Variants in FHDC1 observed in about 807,000 individuals in gnomAD.
FHDC1 encodes the protein FH2 domain-containing protein 1.
A neutral mutation model predicts 52.6 loss-of-function variants in FHDC1; 25 were observed. The observed-to-expected ratio is 0.48, with a 90% CI of 0.35 to 0.66. The LOEUF is 0.66. Ranked by LOEUF, FHDC1 falls within the 30% of genes least tolerant of loss-of-function variation. FHDC1 has a pLI of 0.01. For missense variants in FHDC1, 1,459 were observed against 1,452.8 expected (o/e 1.00, Z -0.07); for synonymous variants, 616 against 581.5 (o/e 1.06, Z -0.85).
At chr4:152,970,319 A>G (rs1179798604) in intron 10 of FHDC1, among the ~76,000 whole-genome samples, 1 of 152,260 alleles carries the variant, frequency 6.6e-6, no homozygotes, top group Admixed American at 6.5e-5. Flanking sequence ...ACCTGTTGAC[A>G]TTCTTGCTTT....
the FHDC1 span, among the ~76,000 whole-genome samples, chr4:152,915,185 CG>C: frequency 6.6e-6 from 1 of 152,068 alleles, no homozygotes; most frequent in Non-Finnish European, 1.5e-5. Context: ...AAGAAAAGCA[CG>C]GGGTAGGCTG....
At chr4:152,932,208 A>C (rs1384899405), upstream of FHDC1, among the ~76,000 whole-genome samples, 1 of 140,610 alleles carries the variant, frequency 7.1e-6, no homozygotes, top group East Asian at 2.1e-4. Flanking sequence ...ACACAGTGAG[A>C]CCCTGTCTCT....
At chr4:152,921,771 T>C in the FHDC1 span, among the ~76,000 whole-genome samples, 2 of 152,126 alleles carry the variant, frequency 1.3e-5, no homozygotes, top group Non-Finnish European at 2.9e-5. Flanking sequence ...ATGCCAAATT[T>C]TGACATCTAG....
At chr4:152,926,518 C>G in the FHDC1 span, among the ~76,000 whole-genome samples, 5 of 150,520 alleles carry the variant, frequency 3.3e-5, no homozygotes, top group South Asian at 4.2e-4. Context: ...AGGGCAGAAC[C>G]TTAGTTACCA....
At position 152,975,715 on chromosome 4, in the gene FHDC1, G is replaced by C; in HGVS notation, c.2424G>C (p.Met808Ile). 6.2e-7 allele frequency: 1 copy of C among 1,603,080 alleles called. No individual in the cohort carries two copies. Among genetic ancestry groups the C allele is most frequent in the Non-Finnish European group, 8.5e-7 (1 of 1,172,910 alleles). ...AAGGCGGGGAAGGGGATGGCTCCATGTCCTCTGGGGTTGGAGAAATGGGGG... is the reference window on the plus strand; with the variant it reads ...AAGGCGGGGAAGGGGATGGCTCCATCTCCTCTGGGGTTGGAGAAATGGGGG... ...PEEGGEGDGS[M>I]SSGVGEMGDS... The change falls in exon 12 of 12, where the codon ATG (methionine) becomes ATC (isoleucine). Residue 808 changes from methionine to isoleucine, a missense_variant. Met to Ile is a conservative substitution (Grantham distance 10). Around this residue, in one of 3 missense-constraint regions of FHDC1, gnomAD observed 939 missense variants for 854.5 expected, o/e 1.10. Transcript: ENST00000511601.
At chr4:152,915,210 G>A in the FHDC1 span, among the ~76,000 whole-genome samples, 1 of 152,076 alleles carries the variant, frequency 6.6e-6, no homozygotes, top group East Asian at 1.9e-4. Flanking sequence ...TATTCACCCT[G>A]TATCCCCAAC....
At chr4:152,954,189 A>G (rs760233828) in intron 3 of FHDC1, 28 bp from the exon 4 acceptor site, 1 of 1,591,190 alleles carries the variant, frequency 6.3e-7, no homozygotes, top group Admixed American at 1.7e-5. Context: ...CAAACGTGAA[A>G]TGGAATGTGA....
rs1740851583 is a variant in FHDC1, at chr4:152,975,820, C to A, written c.2529C>A (p.Ser843Arg). Residue 843 changes from serine to arginine, a missense_variant, in exon 12 of 12, where the codon AGC becomes AGA. Physicochemically the swap from Ser to Arg is moderately radical, Grantham distance 110. Around this residue, in one of 3 missense-constraint regions of FHDC1, gnomAD observed 939 missense variants for 854.5 expected, o/e 1.10. Coordinates refer to ENST00000511601, the MANE Select transcript of FHDC1 (RefSeq NM_001371116.1). ...PAPVSVDSEP[S>R]CKGGLPRDKP... ...CCGTCTCTGTGGATAGTGAGCCCAG[C>A]TGCAAGGGCGGCCTGCCCAGGGACA... The A allele has an allele frequency of 6.6e-7, 1 of 1,521,466 alleles. No individual in the cohort carries two copies. The highest frequency in any genetic ancestry group is 2.2e-5 in the Admixed American group (1 of 44,982). 94.2% of individuals were successfully genotyped at this position (1,521,466 alleles called of 1,614,324 possible).
chr4:152,931,570 G>GTCAT (rs1239650779), upstream of FHDC1, among the ~76,000 whole-genome samples: 1 of 151,644 alleles, frequency 6.6e-6, no homozygotes, highest in East Asian at 1.9e-4. Flanking sequence ...AGGCATGAGA[G>GTCAT]TCATCACATT....
In FHDC1 at chr4:152,943,266, C is replaced by G. The variant is rs763097251; in HGVS notation, c.209C>G (p.Pro70Arg). The G allele has an allele frequency of 3.1e-6, 5 of 1,597,232 alleles. No homozygotes were observed. The South Asian group carries it at 4.4e-5, about 14-fold the overall frequency. ...PPPPPPLPGE[P>R]PIPPPPPGLP... ...CCACCACCTCCACTTCCTGGGGAGCCTCCCATCCCACCTCCCCCACCAGGC... is the reference window on the plus strand; with the variant it reads ...CCACCACCTCCACTTCCTGGGGAGCGTCCCATCCCACCTCCCCCACCAGGC... The change falls in exon 2 of 12, where the codon CCT becomes CGT. Residue 70 changes from proline to arginine, a missense_variant. Around this residue, in one of 3 missense-constraint regions of FHDC1, gnomAD observed 513 missense variants for 581.5 expected, o/e 0.88. Coordinates refer to ENST00000511601, the MANE Select transcript of FHDC1 (RefSeq NM_001371116.1).
intron 1 of FHDC1, among the ~76,000 whole-genome samples, chr4:152,939,167 A>C (rs938986413): frequency 1.3e-5 from 2 of 150,964 alleles, no homozygotes; most frequent in Non-Finnish European, 3.0e-5. Context: ...GCAACCTCCG[A>C]CTCCCTGATT....
upstream of FHDC1, among the ~76,000 whole-genome samples, chr4:152,933,960 C>A: frequency 6.6e-6 from 1 of 152,004 alleles, no homozygotes; most frequent in East Asian, 1.9e-4. Context: ...AAACAGTGAC[C>A]TGACAGCAGT....
chr4:152,937,913 G>C (rs972355017), intron 1 of FHDC1, among the ~76,000 whole-genome samples: 4 of 152,118 alleles, frequency 2.6e-5, no homozygotes, highest in African/African-American at 9.7e-5. Context: ...GGACCGGGGT[G>C]CCGGGTTGGG....
the FHDC1 span, among the ~76,000 whole-genome samples, chr4:152,916,328 A>C: frequency 7.2e-5 from 11 of 152,228 alleles, no homozygotes; most frequent in African/African-American, 2.7e-4. Context: ...CTTTATTAGG[A>C]ATGCATGCCT....
intron 7 of FHDC1, 57 bp downstream of exon 7, chr4:152,962,941 G>A (rs1579096694): frequency 3.9e-6 from 2 of 510,830 alleles, no homozygotes; most frequent in East Asian, 9.5e-5. Flanking sequence ...CTATCTAAAG[G>A]TGTGTGTGTG....
chr4:152,956,794 AC>A (rs1278707941), intron 4 of FHDC1, among the ~76,000 whole-genome samples: 1 of 152,134 alleles, frequency 6.6e-6, no homozygotes, highest in Non-Finnish European at 1.5e-5. Flanking sequence ...GTGCTTGGTC[AC>A]ACTTCGCCTC....
rs3811832 is a variant in FHDC1, at chr4:152,976,618, G to A, written c.3327G>A (p.Thr1109=). The part of the protein sequence containing the change: ...PESAEGPSAN[T]EAPLKARGAG... ...CTGCGGAGGGTCCCAGTGCCAACAC[G>A]GAGGCCCCTCTGAAGGCCAGAGGGG... The change falls in exon 12 of 12, where the codon ACG becomes ACA. Residue 1109 remains threonine (T), a synonymous_variant. Transcript: ENST00000511601. 0.64 allele frequency: 1,026,209 copies of A among 1,606,584 alleles called. 337,419 individuals carry two copies. The highest frequency in any genetic ancestry group is 0.68 in the Non-Finnish European group (796,924 of 1,176,230).
At chr4:152,913,314 G>A in the FHDC1 span, among the ~76,000 whole-genome samples, 1 of 152,340 alleles carries the variant, frequency 6.6e-6, no homozygotes, top group Non-Finnish European at 1.5e-5. Context: ...TTAACTTGCA[G>A]TATTCTGCAA....
chr4:152,937,858 C>T (rs1168472297), intron 1 of FHDC1, among the ~76,000 whole-genome samples: 1 of 152,128 alleles, frequency 6.6e-6, no homozygotes, highest in Non-Finnish European at 1.5e-5. Flanking sequence ...GCGGCCCAGC[C>T]GGTGGCGGCT....
Sources: allele counts gnomAD v4.1 joint callset (sites outside exome capture counted in the v4.1 genomes callset), GRCh38; gene constraint gnomAD v4.1.1; regional missense constraint gnomAD v4.1.1; transcripts MANE v1.5; gene names NCBI Gene and HGNC (gene_info 2026-07-23, HGNC 2026-07-21).